The following SLC2A13 variants were observed in gnomAD, a reference collection of about 807,000 sequenced individuals.
SLC2A13 encodes the protein proton myo-inositol cotransporter.
Under a neutral mutation model 64.4 loss-of-function variants are expected in SLC2A13, and 32 were observed. That is an observed-to-expected ratio of 0.50 (90% CI 0.37 to 0.67). The LOEUF is 0.67. SLC2A13 is among the 30% of genes least tolerant of loss of function. The probability of loss-of-function intolerance (pLI) is 0.00; values close to 1 mark genes in which losing one functional copy is unlikely to be tolerated. For missense variants in SLC2A13, 743 were observed against 829.2 expected (o/e 0.90, Z 1.28); for synonymous variants, 338 against 327.1 (o/e 1.03, Z -0.36).
intron 4 of SLC2A13, among the ~76,000 whole-genome samples, chr12:39,925,718 T>C (rs1945716367): frequency 6.6e-6 from 1 of 152,198 alleles, no homozygotes. Context: ...GCTAGCCCTC[T>C]ACATCACTTC....
chr12:40,049,941 G>A (rs1565605347), intron 1 of SLC2A13, among the ~76,000 whole-genome samples: 1 of 152,028 alleles, frequency 6.6e-6, no homozygotes, highest in African/African-American at 2.4e-5. Context: ...ATAATCTTAC[G>A]ACTTTGAGTT....
intron 3 of SLC2A13, among the ~76,000 whole-genome samples, chr12:39,969,580 T>G (rs1448769738): frequency 6.6e-6 from 1 of 152,270 alleles, no homozygotes; most frequent in African/African-American, 2.4e-5. Context: ...ATGTGTTTTT[T>G]AGCTGCATAA....
At chr12:40,041,550 T>C (rs1948090929) in intron 2 of SLC2A13, among the ~76,000 whole-genome samples, 1 of 152,224 alleles carries the variant, frequency 6.6e-6, no homozygotes, top group South Asian at 2.1e-4. Context: ...CTCTCTCCTA[T>C]ATTAGGCCAT....
At chr12:39,999,894 C>T (rs1947295633) in intron 3 of SLC2A13, among the ~76,000 whole-genome samples, 1 of 152,226 alleles carries the variant, frequency 6.6e-6, no homozygotes, top group African/African-American at 2.4e-5. Context: ...CTTTAAGGCT[C>T]AGGTGGGCAT....
intron 3 of SLC2A13, among the ~76,000 whole-genome samples, chr12:40,004,683 G>C (rs530300854): frequency 2.6e-5 from 4 of 151,130 alleles, no homozygotes; most frequent in South Asian, 2.1e-4. Flanking sequence ...TGGTTTTCAA[G>C]ATGGCACCTT....
chr12:39,874,284 GACATAAGT>G (rs1346420305), intron 4 of SLC2A13, among the ~76,000 whole-genome samples: 3 of 152,084 alleles, frequency 2.0e-5, no homozygotes, highest in African/African-American at 7.2e-5. Flanking sequence ...TGGGTTCACA[GACATAAGT>G]ACTTCACCTT....
At chr12:40,051,065 G>T (rs1396160308) in intron 1 of SLC2A13, among the ~76,000 whole-genome samples, 1 of 152,108 alleles carries the variant, frequency 6.6e-6, no homozygotes, top group African/African-American at 2.4e-5. Flanking sequence ...TTATAAGGAT[G>T]AGTACAAACA....
intron 7 of SLC2A13, among the ~76,000 whole-genome samples, chr12:39,822,483 T>C (rs1429102588): frequency 1.3e-5 from 2 of 152,216 alleles, no homozygotes; most frequent in African/African-American, 2.4e-5. Context: ...CCACGCATTT[T>C]CCTTTCTCTT....
rs1939944096 is a variant in SLC2A13, at chr12:39,755,176, C to T, written c.*4850G>A. ...ATTTACATGTATATCACTAAATCTC[C>T]ATAAAATATACAATACTTTTGATAC... On this transcript the variant is annotated 3_prime_UTR_variant, in exon 10 of 10. Coordinates refer to ENST00000280871, the MANE Select transcript of SLC2A13 (RefSeq NM_052885.4). 1 of 151,926 alleles carries T rather than the reference C, an allele frequency of 6.6e-6. No individual in the cohort carries two copies. The highest frequency in any genetic ancestry group is 2.1e-4 in the South Asian group (1 of 4,822). The allele number at this position is 151,926 out of a possible 1,614,324, so 9.4% of individuals were successfully genotyped here. A position where few individuals can be genotyped will look rare whatever the true frequency, so the allele number is the denominator to read the frequency against.
intron 6 of SLC2A13, among the ~76,000 whole-genome samples, chr12:39,856,371 A>T (rs60002366): frequency 6.6e-6 from 1 of 151,848 alleles, no homozygotes; most frequent in Non-Finnish European, 1.5e-5. Flanking sequence ...TATTTTATTT[A>T]TTTTATTTTA....
At chr12:40,004,035 A>C (rs1947366251) in intron 3 of SLC2A13, among the ~76,000 whole-genome samples, 1 of 152,110 alleles carries the variant, frequency 6.6e-6, no homozygotes, top group Admixed American at 6.5e-5. Context: ...AAAAACACAA[A>C]AAATAAAAAT....
intron 5 of SLC2A13, 90 bp from the exon 6 acceptor site, chr12:39,864,972 GAAAC>G: frequency 8.1e-7 from 1 of 1,239,386 alleles, no homozygotes; most frequent in Non-Finnish European, 1.1e-6. Flanking sequence ...AAAAAACAAA[GAAAC>G]AAACAAAAAC....
At chr12:39,986,560 G>T (rs1020381052) in intron 3 of SLC2A13, among the ~76,000 whole-genome samples, 1 of 151,686 alleles carries the variant, frequency 6.6e-6, no homozygotes, top group Non-Finnish European at 1.5e-5. Flanking sequence ...ATACAATTTT[G>T]AAAACTAAAT....
At chr12:39,820,696 C>G (rs1942468720) in intron 7 of SLC2A13, among the ~76,000 whole-genome samples, 1 of 72,304 alleles carries the variant, frequency 1.4e-5, no homozygotes, top group East Asian at 4.3e-4. Flanking sequence ...CATGTATAAT[C>G]TTCGGCTTAA....
chr12:39,846,403 G>A (rs1248731481), intron 6 of SLC2A13, among the ~76,000 whole-genome samples: 2 of 152,120 alleles, frequency 1.3e-5, no homozygotes, highest in African/African-American at 4.8e-5. Flanking sequence ...CTCAGTTAAA[G>A]CATGGTTCTG....
At chr12:40,034,377 T>C (rs1947946808) in intron 2 of SLC2A13, among the ~76,000 whole-genome samples, 2 of 152,202 alleles carry the variant, frequency 1.3e-5, no homozygotes, top group Admixed American at 6.5e-5. Context: ...AACCACCTCA[T>C]ACTTTTTAGT....
intron 4 of SLC2A13, among the ~76,000 whole-genome samples, chr12:39,884,136 G>GTGTA (rs1944413050): frequency 6.6e-6 from 1 of 152,064 alleles, no homozygotes; most frequent in Non-Finnish European, 1.5e-5. Context: ...TGTATTTTTA[G>GTGTA]TGTATGTATG....
intron 3 of SLC2A13, among the ~76,000 whole-genome samples, chr12:40,022,389 C>T (rs566467370): frequency 1.4e-4 from 21 of 152,340 alleles, no homozygotes; most frequent in African/African-American, 4.6e-4. Flanking sequence ...GAAACATTAG[C>T]TAGTGCCTCT....
At chr12:39,877,655 GGAAA>G (rs1309216427) in intron 4 of SLC2A13, among the ~76,000 whole-genome samples, 1 of 152,086 alleles carries the variant, frequency 6.6e-6, no homozygotes, top group Non-Finnish European at 1.5e-5. Flanking sequence ...ATGGACTTGT[GGAAA>G]GATACACTGA....
Sources: allele counts gnomAD v4.1 joint callset (sites outside exome capture counted in the v4.1 genomes callset), GRCh38; gene constraint gnomAD v4.1.1; transcripts MANE v1.5; gene names NCBI Gene and HGNC (gene_info 2026-07-23, HGNC 2026-07-21).